Variants in MAP3K5 observed in about 807,000 individuals in gnomAD.
MAP3K5 encodes mitogen-activated protein kinase kinase kinase 5.
In MAP3K5, 56 loss-of-function variants were observed where a neutral mutation model predicts 158.7. The observed-to-expected ratio is 0.35, with a 90% CI of 0.28 to 0.44. MAP3K5 has a LOEUF of 0.44. MAP3K5 is among the 20% of genes least tolerant of loss of function. MAP3K5 has a pLI of 1.00. For missense variants in MAP3K5, 1,294 were observed against 1,674.8 expected (o/e 0.77, Z 3.97); for synonymous variants, 579 against 601.7 (o/e 0.96, Z 0.55).
chr6:136,583,284 T>A (rs1335194759), intron 24 of MAP3K5, among the ~76,000 whole-genome samples: 1 of 152,182 alleles, frequency 6.6e-6, no homozygotes, highest in African/African-American at 2.4e-5. Context: ...CCAACATAAT[T>A]TCATAAGAAC....
intron 9 of MAP3K5, among the ~76,000 whole-genome samples, chr6:136,658,521 T>C (rs186708924): frequency 1.2e-3 from 186 of 152,032 alleles, no homozygotes; most frequent in African/African-American, 4.4e-3. Flanking sequence ...CACCCGGTTG[T>C]CCAGGCTGAT....
intron 1 of MAP3K5, among the ~76,000 whole-genome samples, chr6:136,745,318 G>T (rs1211977737): frequency 6.6e-6 from 1 of 151,970 alleles, no homozygotes; most frequent in Non-Finnish European, 1.5e-5. Flanking sequence ...AACACAAATT[G>T]TTGGGAAGAA....
intron 1 of MAP3K5, among the ~76,000 whole-genome samples, chr6:136,733,258 A>G (rs1306493646): frequency 1.2e-4 from 18 of 152,168 alleles, no homozygotes; most frequent in Admixed American, 1.2e-3. Context: ...TTGGCCTCCT[A>G]AAGTACTGGG....
intron 25 of MAP3K5, among the ~76,000 whole-genome samples, chr6:136,576,993 G>C (rs903592933): frequency 6.6e-6 from 1 of 151,890 alleles, no homozygotes; most frequent in Admixed American, 6.6e-5. Context: ...CTAGGTTTGT[G>C]TAAGTCCACT....
At chr6:136,640,006 T>C (rs532623376) in intron 12 of MAP3K5, among the ~76,000 whole-genome samples, 1 of 152,338 alleles carries the variant, frequency 6.6e-6, no homozygotes, top group African/African-American at 2.4e-5. Flanking sequence ...TCTGGTGCTA[T>C]GCAATCTGTA....
chr6:136,684,748 C>T (rs1041953079), intron 7 of MAP3K5, among the ~76,000 whole-genome samples: 1 of 152,168 alleles, frequency 6.6e-6, no homozygotes, highest in African/African-American at 2.4e-5. Context: ...GGCACCACTG[C>T]TGCCTTTAAC....
chr6:136,735,417 A>C (rs1321216765), intron 1 of MAP3K5, among the ~76,000 whole-genome samples: 1 of 152,238 alleles, frequency 6.6e-6, no homozygotes, highest in Non-Finnish European at 1.5e-5. Context: ...AAATCATGGC[A>C]TTTATGAGAT....
chr6:136,731,460 T>A (rs776155805), intron 1 of MAP3K5, among the ~76,000 whole-genome samples: 3 of 152,188 alleles, frequency 2.0e-5, no homozygotes, highest in Non-Finnish European at 4.4e-5. Context: ...CCTTGGCTTG[T>A]GATGTGTATG....
upstream of MAP3K5, among the ~76,000 whole-genome samples, chr6:136,792,954 G>A (rs1214287841): frequency 6.6e-6 from 1 of 152,290 alleles, no homozygotes; most frequent in Non-Finnish European, 1.5e-5. The surrounding 1 kb of genome is among the most constrained non-coding windows in gnomAD (Gnocchi z 5.7). Context: ...ACCGCGCTGC[G>A]GCCCTGGGAC....
intron 1 of MAP3K5, among the ~76,000 whole-genome samples, chr6:136,777,272 G>A (rs1264739626): frequency 2.6e-5 from 4 of 152,196 alleles, no homozygotes; most frequent in African/African-American, 7.2e-5. Context: ...GGCTCCTCTA[G>A]AGTATCTACA....
intron 1 of MAP3K5, among the ~76,000 whole-genome samples, chr6:136,761,745 A>G (rs1368318189): frequency 6.6e-6 from 1 of 152,172 alleles, no homozygotes; most frequent in Non-Finnish European, 1.5e-5. Context: ...TAGCAAATTT[A>G]GTTTCCTCCC....
At chr6:136,724,867 T>C (rs1781900869) in intron 1 of MAP3K5, among the ~76,000 whole-genome samples, 1 of 152,148 alleles carries the variant, frequency 6.6e-6, no homozygotes. Flanking sequence ...CATACCACCA[T>C]AGTCATGATA....
intron 1 of MAP3K5, among the ~76,000 whole-genome samples, chr6:136,756,614 G>C (rs566313907): frequency 1.8e-4 from 27 of 152,228 alleles, no homozygotes; most frequent in African/African-American, 6.5e-4. Flanking sequence ...CCTAAATAAT[G>C]AAAGAACAAT....
At position 136,567,894 on chromosome 6, in the gene MAP3K5, T is replaced by C. The variant is rs766708971; in HGVS notation, c.3518-20A>G. On this transcript the variant is annotated intron_variant, in intron 25 of 29. Transcript: ENST00000359015. ...TTAGTTCTGTTTGGCATAATATCAGTGGTAGTGTTTATAAAATATGACTCA... is the reference window on the plus strand; with the variant it reads ...TTAGTTCTGTTTGGCATAATATCAGCGGTAGTGTTTATAAAATATGACTCA... The C allele has an allele frequency of 1.2e-5, 19 of 1,609,126 alleles. No individual in the cohort carries two copies. The highest frequency in any genetic ancestry group is 1.7e-4 in the Middle Eastern group (1 of 6,038).
intron 1 of MAP3K5, among the ~76,000 whole-genome samples, chr6:136,780,484 T>C (rs1366063359): frequency 6.6e-6 from 1 of 152,234 alleles, no homozygotes; most frequent in Non-Finnish European, 1.5e-5. Flanking sequence ...TTTCTCATTA[T>C]ATAATGAATT....
At chr6:136,756,205 C>A (rs112113823) in intron 1 of MAP3K5, among the ~76,000 whole-genome samples, 22 of 151,684 alleles carry the variant, frequency 1.5e-4, no homozygotes, top group African/African-American at 4.4e-4. Flanking sequence ...GTAGTCCTAG[C>A]TACTGGAGAG....
At chr6:136,738,783 G>A (rs1010156907) in intron 1 of MAP3K5, among the ~76,000 whole-genome samples, 6 of 152,108 alleles carry the variant, frequency 3.9e-5, no homozygotes, top group African/African-American at 9.7e-5. Context: ...TGGAACAGAC[G>A]GCTGATGGCC....
intron 1 of MAP3K5, among the ~76,000 whole-genome samples, chr6:136,776,218 A>G (rs906482762): frequency 1.3e-5 from 2 of 152,134 alleles, no homozygotes; most frequent in African/African-American, 4.8e-5. Context: ...GTATGCTATT[A>G]TGGTTTTGGG....
chr6:136,574,469 C>A (rs1455712730), intron 25 of MAP3K5, among the ~76,000 whole-genome samples: 1 of 152,112 alleles, frequency 6.6e-6, no homozygotes, highest in Non-Finnish European at 1.5e-5. Context: ...ATTATCAATA[C>A]TCTTACCTTA....
Sources: gnomAD v4.1 joint callset for allele counts (sites outside exome capture counted in the v4.1 genomes callset) on GRCh38, gnomAD v4.1.1 for gene constraint, Gnocchi (gnomAD v3.1) non-coding constraint, MANE v1.5 for transcripts, NCBI Gene and HGNC (gene_info 2026-07-23, HGNC 2026-07-21) for gene names.